ERBB4: variants seen among roughly 807,000 people sequenced by gnomAD.
ERBB4 encodes receptor tyrosine-protein kinase erbB-4.
In ERBB4, 42 loss-of-function variants were observed where a neutral mutation model predicts 158.0. The observed-to-expected ratio is 0.27, with a 90% CI of 0.21 to 0.34. ERBB4 has a LOEUF of 0.34. Among genes scored for constraint, ERBB4 ranks in the 10% least tolerant of loss-of-function variants. The probability of loss-of-function intolerance (pLI) is 1.00; values close to 1 mark genes in which losing one functional copy is unlikely to be tolerated. For synonymous variants in ERBB4, 583 were observed against 558.7 expected, an observed-to-expected ratio of 1.04 and a Z score of -0.61; for missense variants, 1,333 against 1,624.1, an observed-to-expected ratio of 0.82 and a Z score of 3.08.
Position 211,988,022 on chromosome 2 carries a change from A to G in ERBB4, c.235-40406T>C, listed in dbSNP as rs147982423. 4.3e-3 allele frequency among the ~76,000 whole-genome samples: 653 copies of G among 152,298 alleles called. 5 individuals are homozygous for G. The highest frequency in any genetic ancestry group is 0.015 in the African/African-American group (629 of 41,582). ...CTGGTATTTATAACTTTTAAAATGTACTTGTTAGGGAAAATAACAATTAAG... is the reference window on the plus strand; with the variant it reads ...CTGGTATTTATAACTTTTAAAATGTGCTTGTTAGGGAAAATAACAATTAAG... On this transcript the variant is annotated intron_variant, in intron 2 of 27. Transcript: ENST00000342788.
At chr2:211,471,078 A>G (rs1167241085) in intron 20 of ERBB4, among the ~76,000 whole-genome samples, 1 of 152,152 alleles carries the variant, frequency 6.6e-6, no homozygotes, top group Non-Finnish European at 1.5e-5. Flanking sequence ...ACCGAAGACC[A>G]TTATAACATG....
intron 5 of ERBB4, among the ~76,000 whole-genome samples, chr2:211,734,530 G>C (rs1383165456): frequency 6.9e-6 from 1 of 145,136 alleles, no homozygotes; most frequent in African/African-American, 2.6e-5. Context: ...TTGTAACTGA[G>C]AATAATACAA....
At chr2:211,760,728 T>C (rs2075387787) in intron 4 of ERBB4, among the ~76,000 whole-genome samples, 1 of 152,206 alleles carries the variant, frequency 6.6e-6, no homozygotes, top group Admixed American at 6.5e-5. Flanking sequence ...AATGGAGGTG[T>C]ACACTATACT....
Position 211,376,926 on chromosome 2 carries a change from C to T in ERBB4, c.*6689G>A. ...GAGACAGGCATTCAAAGTTAGCTGC[C>T]CTCACACAGCTGCTCCGTTTAATAA... On this transcript the variant is annotated 3_prime_UTR_variant, in exon 28 of 28. Transcript: ENST00000342788. 1 of 233,278 alleles carries T rather than the reference C, an allele frequency of 4.3e-6. No homozygotes were observed. The highest frequency in any genetic ancestry group is 8.5e-6 in the Non-Finnish European group (1 of 117,732). The allele number at this position is 233,278 out of a possible 1,614,324, so 14.5% of individuals were successfully genotyped here.
chr2:211,861,654 A>C (rs1395228375), intron 3 of ERBB4, among the ~76,000 whole-genome samples: 2 of 152,148 alleles, frequency 1.3e-5, no homozygotes, highest in East Asian at 3.9e-4. Context: ...ATATGTTCAC[A>C]CACGAAGTCT....
At chr2:212,326,700 A>C (rs1372670665) in intron 1 of ERBB4, among the ~76,000 whole-genome samples, 2 of 150,762 alleles carry the variant, frequency 1.3e-5, no homozygotes, top group Non-Finnish European at 3.0e-5. Flanking sequence ...TGCTGTCCCA[A>C]AGTTGCAGAC....
intron 20 of ERBB4, among the ~76,000 whole-genome samples, chr2:211,522,333 G>C (rs2066209748): frequency 6.6e-6 from 1 of 152,098 alleles, no homozygotes. Flanking sequence ...TAAATGTAGT[G>C]GAAACAGCAA....
At chr2:211,679,232 A>G (rs1288951962) in intron 12 of ERBB4, 48 bp from the exon 13 acceptor site, 1 of 1,605,264 alleles carries the variant, frequency 6.2e-7, no homozygotes, top group Non-Finnish European at 8.5e-7. Context: ...GATTGTGTCA[A>G]AACTTAAAAT....
intron 2 of ERBB4, among the ~76,000 whole-genome samples, chr2:212,116,843 G>A (rs1034314675): frequency 6.6e-6 from 1 of 151,824 alleles, no homozygotes; most frequent in African/African-American, 2.4e-5. Context: ...TTTATCCTTT[G>A]ATTTATCTTG....
At chr2:211,479,736 C>T (rs1364534558) in intron 20 of ERBB4, among the ~76,000 whole-genome samples, 2 of 152,056 alleles carry the variant, frequency 1.3e-5, no homozygotes, top group Admixed American at 1.3e-4. Flanking sequence ...GGGACTACTG[C>T]TGTGTGTCCA....
chr2:211,566,453 G>A (rs372459041), intron 19 of ERBB4, among the ~76,000 whole-genome samples: 4 of 152,292 alleles, frequency 2.6e-5, no homozygotes, highest in East Asian at 1.9e-4. Flanking sequence ...AGAAATCTAC[G>A]TTATTACTAT....
At chr2:212,058,558 T>C (rs923807766) in intron 2 of ERBB4, among the ~76,000 whole-genome samples, 101 of 152,194 alleles carry the variant, frequency 6.6e-4, no homozygotes, top group African/African-American at 2.4e-3. Context: ...ACTGGCAAAC[T>C]GAATCCAGCA....
intron 2 of ERBB4, among the ~76,000 whole-genome samples, chr2:212,097,103 G>T (rs183291039): frequency 1.3e-4 from 20 of 152,048 alleles, no homozygotes; most frequent in Admixed American, 1.3e-3. Flanking sequence ...ACAGTACTAC[G>T]CACTGGCAAT....
At chr2:211,922,440 T>C in intron 3 of ERBB4, among the ~76,000 whole-genome samples, 1 of 152,150 alleles carries the variant, frequency 6.6e-6, no homozygotes, top group African/African-American at 2.4e-5. Flanking sequence ...TTATAGTTTA[T>C]CAACTTTTTT....
intron 1 of ERBB4, among the ~76,000 whole-genome samples, chr2:212,511,753 T>C (rs1691532574): frequency 1.3e-5 from 2 of 152,160 alleles, no homozygotes; most frequent in Non-Finnish European, 2.9e-5. Context: ...TTAGGGCTTG[T>C]ATTAAGTAAA....
At chr2:211,516,481 G>A (rs2066037409) in intron 20 of ERBB4, among the ~76,000 whole-genome samples, 1 of 151,680 alleles carries the variant, frequency 6.6e-6, no homozygotes, top group South Asian at 2.1e-4. Context: ...TTATAGGCGT[G>A]CGCCACCATG....
At chr2:212,070,282 T>C (rs2078075262) in intron 2 of ERBB4, among the ~76,000 whole-genome samples, 1 of 137,868 alleles carries the variant, frequency 7.3e-6, no homozygotes, top group Non-Finnish European at 1.6e-5. Context: ...CTTCTTAAAT[T>C]GATCTACACT....
intron 1 of ERBB4, among the ~76,000 whole-genome samples, chr2:212,207,012 AC>A (rs1285797153): frequency 9.2e-5 from 14 of 152,046 alleles, no homozygotes; most frequent in Admixed American, 1.3e-4. Flanking sequence ...AAAAAAAAAA[AC>A]TTTTGATGAG....
chr2:211,681,925 T>C (rs1349011101), intron 12 of ERBB4, among the ~76,000 whole-genome samples: 2 of 152,074 alleles, frequency 1.3e-5, no homozygotes, highest in African/African-American at 4.8e-5. Flanking sequence ...TTTCCTCTGG[T>C]ATTTTCTAAG....
Sources: gnomAD v4.1 joint callset for allele counts (sites outside exome capture counted in the v4.1 genomes callset) on GRCh38, gnomAD v4.1.1 for gene constraint, MANE v1.5 for transcripts, NCBI Gene and HGNC (gene_info 2026-07-23, HGNC 2026-07-21) for gene names.